The following ACADL variants were observed in gnomAD, a reference collection of about 807,000 sequenced individuals.
The protein encoded by ACADL is long-chain specific acyl-CoA dehydrogenase, mitochondrial.
Under a neutral mutation model 56.9 loss-of-function variants are expected in ACADL, and 60 were observed. That is an observed-to-expected ratio of 1.05 (90% confidence interval 0.86 to 1.31). The LOEUF (loss-of-function observed/expected upper bound fraction) is 1.31. Among genes scored for constraint, ACADL ranks in the 50% most tolerant of loss-of-function variants. The pLI is 0.00. For synonymous variants in ACADL, 158 were observed against 179.7 expected, an observed-to-expected ratio of 0.88 and a Z score of 0.97; for missense variants, 484 against 525.5, an observed-to-expected ratio of 0.92 and a Z score of 0.77.
chr2:210,214,525 G>GAAAGAAAGAAAAAGAAAGAAAGA (rs1689050618), intron 4 of ACADL, among the ~76,000 whole-genome samples: 5 of 151,134 alleles, frequency 3.3e-5, no homozygotes, highest in Middle Eastern at 3.4e-3. Flanking sequence ...AAGAAAGAAA[G>GAAAGAAAGAAAAAGAAAGAAAGA]AAAGAAATCT....
At chr2:210,221,750 A>G (rs1296647909) in intron 1 of ACADL, among the ~76,000 whole-genome samples, 4 of 143,310 alleles carry the variant, frequency 2.8e-5, no homozygotes, top group South Asian at 2.2e-4. Context: ...TTTGTTTGAG[A>G]TGGAGTCTGG....
At chr2:210,224,275 T>G in intron 1 of ACADL, 1 of 362,878 alleles carries the variant, frequency 2.8e-6, no homozygotes, top group Non-Finnish European at 3.8e-6. Flanking sequence ...CTTATAATGT[T>G]CCAAGGAAGA....
chr2:210,221,641 C>T (rs1049056305), intron 1 of ACADL, among the ~76,000 whole-genome samples: 8 of 151,970 alleles, frequency 5.3e-5, no homozygotes, highest in African/African-American at 1.9e-4. Context: ...AGTCCTTATC[C>T]AGAAAAGATC....
intron 1 of ACADL, 191 bp downstream of exon 1, chr2:210,224,996 C>T: frequency 7.1e-7 from 1 of 1,407,404 alleles, no homozygotes; most frequent in South Asian, 1.5e-5. Context: ...CCTTTTTCCT[C>T]CGCCCAGATG....
chr2:210,204,641 A>T lies in ACADL; in HGVS notation c.810T>A (p.Ala270=), dbSNP rs1688853981. The change falls in exon 7 of 11, where the codon GCT becomes GCA. Residue 270 remains alanine (A), a synonymous_variant. Transcript: ENST00000233710. ...TATTCTCTTCTCCAAGTAGGGCACT[A>T]GCTGGCAACCGTATATCTTCAAAGA... ...ELFFEDIRLP[A]SALLGEENKG... 1 of 1,613,106 alleles carries T rather than the reference A, an allele frequency of 6.2e-7. No individual in the cohort carries two copies. Among genetic ancestry groups the T allele is most frequent in the African/African-American group, 1.3e-5 (1 of 74,898 alleles).
rs773572072 is a variant in ACADL, at chr2:210,220,816, A to G, written c.78-14T>C. ...GAATGAGAACATCTTAAAAATATATATATGCAATAGGAAAAGTAAGTGAAT... is the reference window on the plus strand; with the variant it reads ...GAATGAGAACATCTTAAAAATATATGTATGCAATAGGAAAAGTAAGTGAAT... On this transcript the variant is annotated splice_polypyrimidine_tract_variant and intron_variant, in intron 1 of 10. Coordinates refer to ENST00000233710, the MANE Select transcript of ACADL (RefSeq NM_001608.4). 39 of 1,571,364 alleles carry G rather than the reference A, an allele frequency of 2.5e-5. No homozygotes were observed. The East Asian group carries it at 8.5e-4, about 34-fold the overall frequency.
chr2:210,198,943 G>A lies in ACADL; in HGVS notation c.985-3605C>T, dbSNP rs938791881. ...CTAATAATTATTGCTACATCCATACGTAGGTTTCTATTCTAAAAAGAAAAT... is the reference window on the plus strand; with the variant it reads ...CTAATAATTATTGCTACATCCATACATAGGTTTCTATTCTAAAAAGAAAAT... On this transcript the variant is annotated intron_variant, in intron 8 of 10. Transcript: ENST00000233710. Among the ~76,000 whole-genome samples the A allele has an allele frequency of 4.6e-4, 70 of 152,010 alleles. 2 individuals are homozygous for A. Among genetic ancestry groups the A allele is most frequent in the South Asian group, 2.1e-4 (1 of 4,828 alleles).
rs779301691 is a variant in ACADL at position 210,216,342 on chromosome 2, C to T, written c.536+5G>A. On this transcript the variant is annotated splice_donor_5th_base_variant and intron_variant, in intron 4 of 10. Coordinates refer to ENST00000233710, the MANE Select transcript of ACADL (RefSeq NM_001608.4). The stretch of plus-strand genomic sequence containing the variant: ...GAATCCAAAGCCAACTAAATATTAA[C>T]TTACCTTCCAGCTCCAGGCTCTGTC... The T allele has an allele frequency of 1.5e-5, 25 of 1,613,304 alleles. No homozygotes were observed. The highest frequency in any genetic ancestry group is 2.2e-5 in the South Asian group (2 of 91,078).
chr2:210,189,523 T>C (rs1268782819), intron 10 of ACADL, among the ~76,000 whole-genome samples: 1 of 152,178 alleles, frequency 6.6e-6, no homozygotes, highest in Admixed American at 6.5e-5. Flanking sequence ...ATCAGGAATA[T>C]AAACTAATGC....
chr2:210,203,727 G>A, intron 7 of ACADL, among the ~76,000 whole-genome samples: 1 of 152,050 alleles, frequency 6.6e-6, no homozygotes, highest in East Asian at 1.9e-4. Context: ...CAAAAATGGA[G>A]TACAGTTGCA....
chr2:210,213,429 G>A (rs998556261), intron 4 of ACADL, among the ~76,000 whole-genome samples: 1 of 152,078 alleles, frequency 6.6e-6, no homozygotes, highest in Non-Finnish European at 1.5e-5. Flanking sequence ...GAGCCTAGGA[G>A]GTGGAGGTTG....
chr2:210,198,675 C>A (rs1688749464), intron 8 of ACADL, among the ~76,000 whole-genome samples: 1 of 151,906 alleles, frequency 6.6e-6, no homozygotes, highest in African/African-American at 2.4e-5. Flanking sequence ...TAATTTGGGG[C>A]AAGTTACTTA....
intron 4 of ACADL, 34 bp downstream of exon 4, chr2:210,216,313 C>A (rs1391117977): frequency 6.2e-7 from 1 of 1,611,234 alleles, no homozygotes; most frequent in Non-Finnish European, 8.5e-7. Context: ...GGCACTGCTT[C>A]CAAGAATCCA....
intron 2 of ACADL, 83 bp downstream of exon 2, chr2:210,220,564 T>C: frequency 7.8e-7 from 1 of 1,284,960 alleles, no homozygotes; most frequent in East Asian, 2.3e-5. Flanking sequence ...CTATGTTTTC[T>C]GTATAGCAAT....
At chr2:210,207,782 T>C (rs151285589) in intron 5 of ACADL, among the ~76,000 whole-genome samples, 2 of 152,152 alleles carry the variant, frequency 1.3e-5, no homozygotes, top group Non-Finnish European at 2.9e-5. Flanking sequence ...CAAATGAATA[T>C]AGTGGTGGCA....
chr2:210,215,893 A>G (rs538283560), intron 4 of ACADL, among the ~76,000 whole-genome samples: 8 of 152,272 alleles, frequency 5.3e-5, no homozygotes, highest in African/African-American at 1.9e-4. Flanking sequence ...TGTTTTGTTC[A>G]CTACTGTATA....
chr2:210,219,896 G>C (rs951081811), intron 2 of ACADL, among the ~76,000 whole-genome samples: 1 of 152,056 alleles, frequency 6.6e-6, no homozygotes, highest in South Asian at 2.1e-4. Context: ...TTATGTAATT[G>C]TTTTGAGCAT....
chr2:210,208,427 G>C (rs1559637953), intron 5 of ACADL, among the ~76,000 whole-genome samples: 1 of 152,134 alleles, frequency 6.6e-6, no homozygotes, highest in Non-Finnish European at 1.5e-5. Context: ...TTCTAATAGA[G>C]TTATATGAGA....
intron 4 of ACADL, among the ~76,000 whole-genome samples, chr2:210,212,135 A>ATT (rs201509622): frequency 1.4e-5 from 2 of 145,710 alleles, no homozygotes; most frequent in South Asian, 2.2e-4. Context: ...ACCTGGTTGC[A>ATT]TTTTTTTTTT....
Sources: gnomAD v4.1 joint callset for allele counts (sites outside exome capture counted in the v4.1 genomes callset) on GRCh38, gnomAD v4.1.1 for gene constraint, MANE v1.5 for transcripts, NCBI Gene and HGNC (gene_info 2026-07-23, HGNC 2026-07-21) for gene names.